The following GRB10 variants were observed in gnomAD, a reference collection of about 807,000 sequenced individuals.
GRB10 encodes the protein growth factor receptor bound protein 10.
A neutral mutation model predicts 80.9 loss-of-function variants in GRB10; 20 were observed. The ratio of observed to expected loss-of-function variants is 0.25; its 90% CI spans 0.17 to 0.36. The LOEUF (loss-of-function observed/expected upper bound fraction) is 0.36, where lower values mean the gene tolerates loss of function less well. Among genes scored for constraint, GRB10 ranks in the 10% least tolerant of loss-of-function variants. The pLI is 1.00. For missense variants in GRB10, 548 were observed against 747.7 expected (o/e 0.73, Z 3.12); for synonymous variants, 291 against 291.5 (o/e 1.00, Z 0.02).
rs377679652 is a variant in GRB10 at position 50,669,861 on chromosome 7, C to T, written c.365G>A (p.Arg122His). The change falls in exon 7 of 19, where the codon CGC (arginine) becomes CAC (histidine). Residue 122 changes from arginine to histidine, a missense_variant and splice_region_variant. Coordinates refer to ENST00000401949, the MANE Select transcript of GRB10 (RefSeq NM_001350814.2). Reference protein sequence around the residue: ...SQPVHILAVRRLQEEDQQFRT... With the variant: ...SQPVHILAVRHLQEEDQQFRT... ...AAACTGCTGGTCTTCCTCCTGAAGGCGCCTGGAAGGCAGGGATAAGTGCCT... is the reference window on the plus strand; with the variant it reads ...AAACTGCTGGTCTTCCTCCTGAAGGTGCCTGGAAGGCAGGGATAAGTGCCT... The T allele has an allele frequency of 4.8e-5, 77 of 1,610,392 alleles. No individual in the cohort carries two copies. The highest frequency in any genetic ancestry group is 6.7e-5 in the African/African-American group (5 of 74,816).
rs1383929684 is a variant in GRB10, at chr7:50,591,263, CTGACATACAG to C, written c.*1679_*1688del. ...AAACAACTAGAGTGTGGTCTGTAGA[CTGACATACAG>C]TGTTACTATACGGTAGACTGACTTC... is the stretch of plus-strand genomic sequence containing the variant. On this transcript the variant is annotated 3_prime_UTR_variant, in exon 19 of 19. Transcript: ENST00000401949. 6.6e-6 allele frequency: 1 copy of C among 152,222 alleles called. No individual in the cohort carries two copies. Among genetic ancestry groups the C allele is most frequent in the Non-Finnish European group, 1.5e-5 (1 of 68,046 alleles). 9.4% of individuals were successfully genotyped at this position (152,222 alleles called of 1,614,324 possible).
At chr7:50,756,230 G>A (rs958391606) in intron 2 of GRB10, among the ~76,000 whole-genome samples, 174 bp from the exon 3 acceptor site, 5 of 152,222 alleles carry the variant, frequency 3.3e-5, no homozygotes, top group African/African-American at 1.2e-4. Flanking sequence ...GTAAGATGTA[G>A]GTTTCTAGTT....
intron 2 of GRB10, among the ~76,000 whole-genome samples, chr7:50,777,010 T>C (rs373068330): frequency 1.4e-5 from 2 of 144,522 alleles, no homozygotes; most frequent in African/African-American, 2.6e-5. Flanking sequence ...TTTTAAGTAT[T>C]TGCTATAACA....
chr7:50,671,792 T>C lies in GRB10; in HGVS notation c.363-1929A>G, dbSNP rs971267485. Among the ~76,000 whole-genome samples the C allele has an allele frequency of 9.2e-5, 14 of 152,404 alleles. No individual in the cohort carries two copies. In the East Asian group the frequency reaches 9.6e-4, roughly 10 times the overall value. On this transcript the variant is annotated intron_variant, in intron 6 of 18. Coordinates refer to ENST00000401949, the MANE Select transcript of GRB10 (RefSeq NM_001350814.2). ...AAGCTTCTCTATTTATTGGGTTGTT[T>C]TGAGCATTTTAAAAAGTCCTGTGTT...
intron 13 of GRB10, among the ~76,000 whole-genome samples, chr7:50,612,151 AG>A (rs1391995356): frequency 3.3e-5 from 5 of 152,218 alleles, no homozygotes; most frequent in Non-Finnish European, 7.3e-5. Context: ...TCTGCTGAGG[AG>A]CTTCAGTCAA....
chr7:50,684,230 T>C (rs1331382282), intron 5 of GRB10, among the ~76,000 whole-genome samples: 2 of 115,364 alleles, frequency 1.7e-5, no homozygotes, highest in African/African-American at 7.0e-5. Context: ...CAAATGCAGA[T>C]AGCCTGGCGG....
At chr7:50,658,607 T>C (rs2058892305) in intron 7 of GRB10, among the ~76,000 whole-genome samples, 1 of 152,210 alleles carries the variant, frequency 6.6e-6, no homozygotes, top group Admixed American at 6.5e-5. Context: ...AAGACGTATA[T>C]AATTTAAGTG....
intron 17 of GRB10, among the ~76,000 whole-genome samples, chr7:50,597,712 G>A (rs571152036): frequency 1.4e-4 from 22 of 152,226 alleles, no homozygotes; most frequent in Non-Finnish European, 2.4e-4. Context: ...TATAGGGAAT[G>A]CCTGAAGGTT....
chr7:50,593,113 G>A lies in GRB10; in HGVS notation c.1639-15C>T. On this transcript the variant is annotated splice_polypyrimidine_tract_variant and intron_variant, in intron 18 of 18. Coordinates refer to ENST00000401949, the MANE Select transcript of GRB10 (RefSeq NM_001350814.2). ...TCGTCCTCGCACTGGAGAGACACAA[G>A]AACACTTGCCAGGTTAGAGGCTGCC... The A allele has an allele frequency of 6.2e-7, 1 of 1,614,068 alleles. No individual in the cohort carries two copies. The highest frequency in any genetic ancestry group is 8.5e-7 in the Non-Finnish European group (1 of 1,180,026).
intron 3 of GRB10, among the ~76,000 whole-genome samples, chr7:50,737,516 A>G (rs1045378565): frequency 6.6e-6 from 1 of 152,202 alleles, no homozygotes; most frequent in Non-Finnish European, 1.5e-5. Flanking sequence ...TCTCTTCTTT[A>G]TAAGTTACCT....
rs774617166 is a variant in GRB10, at chr7:50,619,222, T to C, written c.725A>G (p.Lys242Arg). ...QVESTMASES[K>R]FLFRKNYAKY... is the part of the protein sequence containing the mutation. ...TGCGTAATTCTTCCTGAATAGAAAT[T>C]TACTCTCACTGGCCATGGTACTCTC... The change falls in exon 9 of 19, where the codon AAA becomes AGA. Residue 242 changes from lysine to arginine, a missense_variant. Coordinates refer to ENST00000401949, the MANE Select transcript of GRB10 (RefSeq NM_001350814.2). The C allele has an allele frequency of 1.2e-6, 2 of 1,613,812 alleles. No individual in the cohort carries two copies. Among genetic ancestry groups the C allele is most frequent in the Non-Finnish European group, 1.7e-6 (2 of 1,179,776 alleles).
At chr7:50,742,314 C>CACACACAT (rs1563676656) in intron 3 of GRB10, among the ~76,000 whole-genome samples, 84 of 147,986 alleles carry the variant, frequency 5.7e-4, no homozygotes, top group African/African-American at 2.0e-3. Flanking sequence ...CACACACACA[C>CACACACAT]ATACACGGCA....
At chr7:50,599,314 T>A (rs896299043) in intron 17 of GRB10, among the ~76,000 whole-genome samples, 2 of 152,246 alleles carry the variant, frequency 1.3e-5, no homozygotes, top group Non-Finnish European at 2.9e-5. Context: ...GTTGTTATAC[T>A]GTCTGTCCAG....
chr7:50,785,080 T>C (rs1453034165), upstream of GRB10, among the ~76,000 whole-genome samples: 1 of 152,142 alleles, frequency 6.6e-6, no homozygotes, highest in Non-Finnish European at 1.5e-5. Flanking sequence ...AGCTGCCATA[T>C]GAATCCCACC....
chr7:50,710,197 T>A (rs1414594704), intron 4 of GRB10, among the ~76,000 whole-genome samples: 1 of 151,822 alleles, frequency 6.6e-6, no homozygotes, highest in Non-Finnish European at 1.5e-5. Context: ...GTGCCCACCC[T>A]CTCCCCAGAA....
At chr7:50,761,655 G>T (rs6969838) in intron 2 of GRB10, 2 of 152,182 alleles carry the variant, frequency 1.3e-5, no homozygotes, top group African/African-American at 4.8e-5. Flanking sequence ...CAGAAACGAG[G>T]TGTAAATGTT....
intron 8 of GRB10, among the ~76,000 whole-genome samples, chr7:50,625,155 T>C (rs962964465): frequency 1.3e-5 from 2 of 152,194 alleles, no homozygotes; most frequent in Admixed American, 6.5e-5. Flanking sequence ...TCACATGAAA[T>C]AGATAATTCA....
intron 11 of GRB10, 25 bp downstream of exon 11, chr7:50,616,185 G>A (rs766706818): frequency 1.2e-5 from 20 of 1,613,864 alleles, no homozygotes; most frequent in Non-Finnish European, 1.7e-5. Context: ...AATTAGGGCT[G>A]GTGGTGGTAG....
At chr7:50,627,798 T>C (rs1210460094) in intron 7 of GRB10, among the ~76,000 whole-genome samples, 3 of 152,198 alleles carry the variant, frequency 2.0e-5, no homozygotes, top group Non-Finnish European at 4.4e-5. Flanking sequence ...AGGAGCAAGA[T>C]GGCATTTTAA....
Sources: allele counts gnomAD v4.1 joint callset (sites outside exome capture counted in the v4.1 genomes callset), GRCh38; gene constraint gnomAD v4.1.1; transcripts MANE v1.5; gene names NCBI Gene and HGNC (gene_info 2026-07-23, HGNC 2026-07-21).